DCP1A: variants seen among roughly 807,000 people sequenced by gnomAD.
DCP1A encodes the protein decapping mRNA 1A, also known as mRNA-decapping enzyme 1A.
Under a neutral mutation model 58.0 loss-of-function variants are expected in DCP1A, and 20 were observed. The observed-to-expected ratio is 0.34, with a 90% CI of 0.24 to 0.50. The LOEUF (loss-of-function observed/expected upper bound fraction) is 0.50. DCP1A is among the 20% of genes least tolerant of loss of function. The probability of loss-of-function intolerance (pLI) is 0.98; values close to 1 mark genes in which losing one functional copy is unlikely to be tolerated. For synonymous variants in DCP1A, 285 were observed against 275.1 expected (o/e 1.04, Z -0.36); for missense variants, 613 against 712.2 (o/e 0.86, Z 1.59).
intron 3 of DCP1A, among the ~76,000 whole-genome samples, chr3:53,334,526 C>T (rs1306112041): frequency 1.3e-5 from 2 of 152,082 alleles, no homozygotes; most frequent in African/African-American, 2.4e-5. Context: ...CTTTTGAATA[C>T]ACAAAACCTT....
chr3:53,344,828 C>T, intron 2 of DCP1A, 74 bp downstream of exon 2: 2 of 1,149,816 alleles, frequency 1.7e-6, no homozygotes, highest in South Asian at 1.3e-5. Flanking sequence ...GACAAATGTA[C>T]AAGAGAATTG....
chr3:53,290,396 C>T (rs374125210), intron 8 of DCP1A, among the ~76,000 whole-genome samples: 18 of 149,108 alleles, frequency 1.2e-4, no homozygotes, highest in African/African-American at 3.2e-4. Context: ...TCACAAATAC[C>T]GAGTAAGGGC....
At chr3:53,288,331 G>C (rs1233788244) in intron 8 of DCP1A, 48 bp from the exon 9 acceptor site, 11 of 1,479,386 alleles carry the variant, frequency 7.4e-6, no homozygotes, top group Middle Eastern at 2.3e-4. Flanking sequence ...GAAGCCAGTA[G>C]CCAGGCCCAG....
chr3:53,287,484 G>T lies in DCP1A; in HGVS notation c.*96C>A. The T allele has an allele frequency of 1.3e-6, 1 of 757,846 alleles. No homozygotes were observed. The highest frequency in any genetic ancestry group is 2.2e-6 in the Non-Finnish European group (1 of 451,096). 46.9% of individuals were successfully genotyped at this position (757,846 alleles called of 1,614,324 possible). On this transcript the variant is annotated 3_prime_UTR_variant, in exon 10 of 10. Transcript: ENST00000610213. ...TCTCTTTCTCATAGGCTCAATTTCAGGATTCTCAAACTCAATGTTCTGCTC... is the reference window on the plus strand; with the variant it reads ...TCTCTTTCTCATAGGCTCAATTTCATGATTCTCAAACTCAATGTTCTGCTC...
In DCP1A at chr3:53,315,525, ACT is replaced by A. The variant is rs1409044952; in HGVS notation, c.372-3148_372-3147del. Among the ~76,000 whole-genome samples, 8 of 119,542 alleles carry A rather than the reference ACT, an allele frequency of 6.7e-5. No homozygotes were observed. The East Asian group carries it at 1.9e-3, about 29-fold the overall frequency. 78.4% of individuals were successfully genotyped at this position (119,542 alleles called of 152,430 possible). A position where few individuals can be genotyped will look rare whatever the true frequency, so the allele number is the denominator to read the frequency against. ...CCACATTCCTGGGTGACAGAGCAAG[ACT>A]CTGTCTCAAAAAAAAAAAAAAAAAA... On this transcript the variant is annotated intron_variant, in intron 4 of 9. Coordinates refer to ENST00000610213, the MANE Select transcript of DCP1A (RefSeq NM_018403.7).
chr3:53,325,669 C>T (rs1708085972), intron 3 of DCP1A, among the ~76,000 whole-genome samples: 1 of 152,058 alleles, frequency 6.6e-6, no homozygotes, highest in Non-Finnish European at 1.5e-5. Context: ...AGGCAAATAC[C>T]TCTGCCTCAG....
intron 6 of DCP1A, 99 bp from the exon 7 acceptor site, chr3:53,292,926 T>C: frequency 2.1e-5 from 25 of 1,207,612 alleles, no homozygotes; most frequent in Non-Finnish European, 2.9e-5. Flanking sequence ...GAATCAAGGA[T>C]GGATGGAGTA....
At chr3:53,345,864 C>T (rs1376567648) in intron 1 of DCP1A, among the ~76,000 whole-genome samples, 1 of 152,036 alleles carries the variant, frequency 6.6e-6, no homozygotes, top group East Asian at 1.9e-4. Flanking sequence ...AACTGTCTTA[C>T]AGTAAAAGAA....
chr3:53,292,144 C>T lies in DCP1A; in HGVS notation c.1308G>A (p.Glu436=), dbSNP rs782087639. Residue 436 remains glutamate, a synonymous_variant, in exon 7 of 10, where the codon GAG becomes GAA. Transcript: ENST00000610213. The part of the protein sequence containing the change: ...GQLATPESFI[E]PPSKTAAARV... ...TTGCTGCTGCTGTCTTAGAGGGAGG[C>T]TCTATGAAGCTCTCAGGTGTGGCTA... is the stretch of plus-strand genomic sequence containing the variant. 1.9e-6 allele frequency: 3 copies of T among 1,613,840 alleles called. No homozygotes were observed.
chr3:53,316,967 T>C (rs1310183920), intron 4 of DCP1A, among the ~76,000 whole-genome samples: 1 of 152,188 alleles, frequency 6.6e-6, no homozygotes, highest in African/African-American at 2.4e-5. Context: ...GCATTAGGGG[T>C]AACACTTGCC....
intron 8 of DCP1A, among the ~76,000 whole-genome samples, chr3:53,290,053 A>T (rs1214439727): frequency 1.3e-5 from 2 of 152,218 alleles, no homozygotes; most frequent in Non-Finnish European, 2.9e-5. Flanking sequence ...CCAAGATGTA[A>T]GACCAGTCAG....
chr3:53,312,780 C>T (rs1019618328), intron 4 of DCP1A, among the ~76,000 whole-genome samples: 13 of 152,050 alleles, frequency 8.5e-5, no homozygotes, highest in African/African-American at 1.7e-4. Flanking sequence ...CCTGAGCCAC[C>T]GCGCCCAGCC....
rs1553685199 is a variant in DCP1A at position 53,287,095 on chromosome 3, A to C, written c.*485T>G. On this transcript the variant is annotated 3_prime_UTR_variant, in exon 10 of 10. Transcript: ENST00000610213. ...GCCGGCTTAAATTCTGGTCCTAAAA[A>C]CTAGAAGCTACTTTGCAGAGCTGCC... The C allele has an allele frequency of 1.3e-5, 2 of 152,514 alleles. No individual in the cohort carries two copies. The highest frequency in any genetic ancestry group is 6.5e-5 in the Admixed American group (1 of 15,282). The allele number at this position is 152,514 out of a possible 1,614,324, so 9.4% of individuals were successfully genotyped here.
rs1311012242 is a variant in DCP1A at position 53,284,679 on chromosome 3, G to C, written c.*2901C>G. 3 of 152,036 alleles carry C rather than the reference G, an allele frequency of 2.0e-5. No individual in the cohort carries two copies. The highest frequency in any genetic ancestry group is 7.3e-5 in the African/African-American group (3 of 41,292). 9.4% of individuals were successfully genotyped at this position (152,036 alleles called of 1,614,324 possible). ...AGCCTCCTAAGTAGCTGGGAGTATA[G>C]GCGCGTGCCACCACGCCCGGCTAAT... On this transcript the variant is annotated 3_prime_UTR_variant, in exon 10 of 10. Transcript: ENST00000610213.
At chr3:53,340,327 A>G (rs1371658551) in intron 3 of DCP1A, among the ~76,000 whole-genome samples, 4 of 152,216 alleles carry the variant, frequency 2.6e-5, no homozygotes, top group African/African-American at 9.6e-5. Context: ...ACTTACAGCT[A>G]TTACAAAGCA....
Position 53,287,342 on chromosome 3 carries a change from C to CT in DCP1A, c.*237dup, listed in dbSNP as rs35716152. ...CATAACTTAACACAATGATCGCTCT[C>CT]TTTTTTTTTTTTTTTTTTTTTTTTT... On this transcript the variant is annotated 3_prime_UTR_variant, in exon 10 of 10. Transcript: ENST00000610213. 1,096 of 166,790 alleles carry CT rather than the reference C, an allele frequency of 6.6e-3. 110 individuals carry two copies. Among genetic ancestry groups the CT allele is most frequent in the African/African-American group, 0.03 (691 of 22,922 alleles). 10.3% of individuals were successfully genotyped at this position (166,790 alleles called of 1,614,324 possible). A position where few individuals can be genotyped will look rare whatever the true frequency, so the allele number is the denominator to read the frequency against.
chr3:53,335,984 G>GAGAC (rs1276824761), intron 3 of DCP1A, among the ~76,000 whole-genome samples: 2 of 151,890 alleles, frequency 1.3e-5, no homozygotes, highest in Non-Finnish European at 2.9e-5. Flanking sequence ...ATTTTTTATA[G>GAGAC]AGACAGGGTT....
rs574721198 is a variant in DCP1A, at chr3:53,286,711, C to G, written c.*869G>C. 2.0e-5 allele frequency: 3 copies of G among 152,334 alleles called. No individual in the cohort carries two copies. The East Asian group carries it at 5.8e-4, about 29-fold the overall frequency. The allele number at this position is 152,334 out of a possible 1,614,324, so 9.4% of individuals were successfully genotyped here. A position where few individuals can be genotyped will look rare whatever the true frequency, so the allele number is the denominator to read the frequency against. On this transcript the variant is annotated 3_prime_UTR_variant, in exon 10 of 10. Transcript: ENST00000610213. ...GCTTTGTCAGATTGGTCCACTGGTC[C>G]TTTTGTCAAAGTGTTAAGGAAAACA...
intron 2 of DCP1A, among the ~76,000 whole-genome samples, chr3:53,343,440 A>G (rs2089243809): frequency 1.3e-5 from 2 of 152,188 alleles, no homozygotes; most frequent in South Asian, 4.1e-4. Context: ...GCCACCCACT[A>G]CACTAAATCT....
Sources: gnomAD v4.1 joint callset for allele counts (sites outside exome capture counted in the v4.1 genomes callset) on GRCh38, gnomAD v4.1.1 for gene constraint, MANE v1.5 for transcripts, NCBI Gene and HGNC (gene_info 2026-07-23, HGNC 2026-07-21) for gene names.